Variants in PPIL6 observed in about 807,000 individuals in gnomAD.
The protein encoded by PPIL6 is peptidylprolyl isomerase like 6, also known as probable inactive peptidyl-prolyl cis-trans isomerase-like 6.
In PPIL6, 39 loss-of-function variants were observed where a neutral mutation model predicts 36.8. The observed-to-expected ratio is 1.06, with a 90% CI of 0.82 to 1.38. The LOEUF (loss-of-function observed/expected upper bound fraction) is 1.38, where lower values mean the gene tolerates loss of function less well. Ranked by LOEUF, PPIL6 falls within the 40% of genes most tolerant of loss-of-function variation. The probability of loss-of-function intolerance (pLI) is 0.00; values close to 1 mark genes in which losing one functional copy is unlikely to be tolerated. For synonymous variants in PPIL6, 123 were observed against 134.1 expected, an observed-to-expected ratio of 0.92 and a Z score of 0.57; for missense variants, 368 against 379.1, an observed-to-expected ratio of 0.97 and a Z score of 0.24.
chr6:109,425,743 C>G (rs1353198315), intron 5 of PPIL6, among the ~76,000 whole-genome samples: 2 of 127,458 alleles, frequency 1.6e-5, no homozygotes, highest in Admixed American at 1.6e-4. Context: ...GAGCGAGACT[C>G]CGTTTCAAAA....
chr6:109,390,250 A>G lies in PPIL6; in HGVS notation c.*2576T>C, dbSNP rs540966850. On this transcript the variant is annotated 3_prime_UTR_variant, in exon 8 of 8. Coordinates refer to ENST00000521072, the MANE Select transcript of PPIL6 (RefSeq NM_173672.5). ...ACATTAGTAATTTATTATTAAATTT[A>G]TCGAGTGCTTACAGCAGACCAGGTC... 8 of 152,386 alleles carry G rather than the reference A, an allele frequency of 5.2e-5. No individual in the cohort carries two copies. The highest frequency in any genetic ancestry group is 5.2e-4 in the Admixed American group (8 of 15,306). 9.4% of individuals were successfully genotyped at this position (152,386 alleles called of 1,614,324 possible).
At chr6:109,420,064 G>A (rs947237821) in intron 5 of PPIL6, among the ~76,000 whole-genome samples, 2 of 151,674 alleles carry the variant, frequency 1.3e-5, no homozygotes, top group Admixed American at 6.6e-5. Flanking sequence ...AGCCAGGCGC[G>A]GTGACACACC....
intron 6 of PPIL6, among the ~76,000 whole-genome samples, chr6:109,400,558 T>G (rs1284172014): frequency 1.3e-5 from 2 of 152,174 alleles, no homozygotes; most frequent in Non-Finnish European, 2.9e-5. Flanking sequence ...CTCTGAGAAG[T>G]CTTTTGTGGA....
intron 1 of PPIL6, chr6:109,440,034 T>A (rs1774715710): frequency 3.6e-6 from 1 of 276,954 alleles, no homozygotes; most frequent in Non-Finnish European, 7.1e-6. Flanking sequence ...TTAACAAAAA[T>A]CGCTTGGGCC....
At chr6:109,426,787 A>G (rs1455568054) in intron 5 of PPIL6, 60 bp downstream of exon 5, 1 of 1,168,454 alleles carries the variant, frequency 8.6e-7, no homozygotes, top group African/African-American at 1.5e-5. Flanking sequence ...AAGATAAATG[A>G]AAGTTTGGAC....
chr6:109,402,893 A>G, intron 6 of PPIL6: 1 of 576,994 alleles, frequency 1.7e-6, no homozygotes, highest in South Asian at 2.9e-5. Flanking sequence ...ATCAAATAAA[A>G]TGATGTGTAA....
In PPIL6 at chr6:109,431,032, T is replaced by C. The variant is rs1203627017; in HGVS notation, c.420+125A>G. The stretch of plus-strand genomic sequence containing the variant: ...AATCTTTTGCAAATGGAAATGGAAC[T>C]AGGCTTTAAACTTAGTCTCCTACTT... On this transcript the variant is annotated intron_variant, in intron 3 of 7. Transcript: ENST00000521072. 1.1e-5 allele frequency: 8 copies of C among 707,190 alleles called. No homozygotes were observed. In the East Asian group the frequency reaches 2.0e-4, roughly 18 times the overall value. The allele number at this position is 707,190 out of a possible 1,614,324, so 43.8% of individuals were successfully genotyped here. A position where few individuals can be genotyped will look rare whatever the true frequency, so the allele number is the denominator to read the frequency against.
chr6:109,397,575 C>T (rs1471553028), intron 7 of PPIL6, among the ~76,000 whole-genome samples: 1 of 152,150 alleles, frequency 6.6e-6, no homozygotes, highest in African/African-American at 2.4e-5. Flanking sequence ...GAATGGCATA[C>T]TGCAGGTGCC....
chr6:109,431,195 T>TG lies in PPIL6; in HGVS notation c.381dup (p.Thr128HisfsTer2), dbSNP rs752051284. On this transcript the variant is annotated frameshift_variant, in exon 3 of 8. Transcript: ENST00000521072. LOFTEE classifies it high-confidence loss of function. ...AAGAACTTAGCGGAAAAATCCTCAGTGAGTGCGTCATAAAGTGCAGAGGGT... is the reference window on the plus strand; with the variant it reads ...AAGAACTTAGCGGAAAAATCCTCAGTGGAGTGCGTCATAAAGTGCAGAGGGT... 7.4e-6 allele frequency: 12 copies of TG among 1,611,822 alleles called. No homozygotes were observed. Among genetic ancestry groups the TG allele is most frequent in the Non-Finnish European group, 1.0e-5 (12 of 1,179,052 alleles).
chr6:109,410,133 G>A (rs149693767), intron 6 of PPIL6, among the ~76,000 whole-genome samples: 1 of 152,168 alleles, frequency 6.6e-6, no homozygotes, highest in Non-Finnish European at 1.5e-5. Context: ...GTATCCTGGA[G>A]AGATCTTCAC....
At chr6:109,426,212 T>A (rs1462273486) in intron 5 of PPIL6, among the ~76,000 whole-genome samples, 3 of 152,168 alleles carry the variant, frequency 2.0e-5, no homozygotes, top group Non-Finnish European at 2.9e-5. Context: ...AATTTAAACT[T>A]CTCCATGTGT....
rs1357255051 is a variant in PPIL6, at chr6:109,436,969, TC to T, written c.136-771del. Among the ~76,000 whole-genome samples the T allele has an allele frequency of 2.0e-5, 3 of 152,340 alleles. No homozygotes were observed. In the South Asian group the frequency reaches 6.2e-4, roughly 32 times the overall value. The stretch of plus-strand genomic sequence containing the variant: ...ATAACTAAAATAAATAAATAAATGT[TC>T]TTGCTTTAATTCACTGATGAATGGG... On this transcript the variant is annotated intron_variant, in intron 1 of 7. Coordinates refer to ENST00000521072, the MANE Select transcript of PPIL6 (RefSeq NM_173672.5).
intron 1 of PPIL6, among the ~76,000 whole-genome samples, chr6:109,439,964 G>T (rs1158878181): frequency 6.6e-6 from 1 of 152,146 alleles, no homozygotes; most frequent in Non-Finnish European, 1.5e-5. Context: ...CATCTAGTTC[G>T]ATTGGAACGC....
intron 7 of PPIL6, among the ~76,000 whole-genome samples, chr6:109,396,963 A>G (rs1772328780): frequency 6.6e-6 from 1 of 151,462 alleles, no homozygotes; most frequent in Non-Finnish European, 1.5e-5. Context: ...GCTCAGACAC[A>G]CCTGGGGATA....
chr6:109,426,331 T>C (rs1773812287), intron 5 of PPIL6, among the ~76,000 whole-genome samples: 1 of 152,208 alleles, frequency 6.6e-6, no homozygotes, highest in African/African-American at 2.4e-5. Flanking sequence ...TTCAATTCCA[T>C]GCTTTTAATC....
At chr6:109,422,757 G>C (rs1045603350) in intron 5 of PPIL6, among the ~76,000 whole-genome samples, 6 of 152,166 alleles carry the variant, frequency 3.9e-5, no homozygotes, top group African/African-American at 1.4e-4. Flanking sequence ...TTTAAAAGTC[G>C]TGTGAAAGCT....
At chr6:109,393,852 A>T (rs1772191190) in intron 7 of PPIL6, among the ~76,000 whole-genome samples, 1 of 152,160 alleles carries the variant, frequency 6.6e-6, no homozygotes, top group African/African-American at 2.4e-5. Context: ...CCTTGGGGGA[A>T]GTTTCCCAGG....
At chr6:109,440,014 G>A (rs1774714584) in intron 1 of PPIL6, among the ~76,000 whole-genome samples, 1 of 152,136 alleles carries the variant, frequency 6.6e-6, no homozygotes, top group Non-Finnish European at 1.5e-5. Flanking sequence ...GAATCTCCCC[G>A]CATGAATAGT....
intron 2 of PPIL6, among the ~76,000 whole-genome samples, chr6:109,435,060 C>T (rs1195061250): frequency 1.3e-5 from 2 of 152,124 alleles, no homozygotes; most frequent in African/African-American, 4.8e-5. Flanking sequence ...AGAGCTTCCC[C>T]AGGCAACAGT....
Sources: gnomAD v4.1 joint callset for allele counts (sites outside exome capture counted in the v4.1 genomes callset) on GRCh38, gnomAD v4.1.1 for gene constraint, MANE v1.5 for transcripts, NCBI Gene and HGNC (gene_info 2026-07-23, HGNC 2026-07-21) for gene names.